The following ADGRL3 variants were observed in gnomAD, a reference collection of about 807,000 sequenced individuals.
ADGRL3 encodes calcium-independent alpha-latrotoxin receptor 3.
ADGRL3 carries 62 observed loss-of-function variants against 153.5 expected under a neutral mutation model. The ratio of observed to expected loss-of-function variants is 0.40; its 90% CI spans 0.33 to 0.50. The LOEUF (loss-of-function observed/expected upper bound fraction) is 0.50. Among genes scored for constraint, ADGRL3 ranks in the 20% least tolerant of loss-of-function variants. The pLI is 0.47. For synonymous variants in ADGRL3, 710 were observed against 672.5 expected, an observed-to-expected ratio of 1.06 and a Z score of -0.86; for missense variants, 1,641 against 1,859.4, an observed-to-expected ratio of 0.88 and a Z score of 2.16.
At chr4:61,291,113 T>A (rs2094161796) in intron 1 of ADGRL3, among the ~76,000 whole-genome samples, 1 of 151,474 alleles carries the variant, frequency 6.6e-6, no homozygotes, top group African/African-American at 2.4e-5. Context: ...TTATTTTCAG[T>A]TTTAAAGAAC....
At chr4:61,610,233 A>C (rs943924885) in intron 5 of ADGRL3, among the ~76,000 whole-genome samples, 2 of 151,828 alleles carry the variant, frequency 1.3e-5, no homozygotes, top group Admixed American at 6.6e-5. Context: ...ATAATATTTA[A>C]ATCTCTAACC....
intron 1 of ADGRL3, among the ~76,000 whole-genome samples, chr4:61,203,090 C>A (rs375654911): frequency 3.1e-4 from 47 of 152,280 alleles, no homozygotes; most frequent in African/African-American, 1.0e-3. Context: ...CTCGATGCAC[C>A]CCAGAATGGC....
At chr4:61,885,224 C>CAGCTATTCA (rs1363078689) in intron 9 of ADGRL3, among the ~76,000 whole-genome samples, 2 of 152,034 alleles carry the variant, frequency 1.3e-5, no homozygotes, top group African/African-American at 4.8e-5. Flanking sequence ...AGCTACTCAG[C>CAGCTATTCA]AGCTGAAACA....
At chr4:61,464,891 A>G (rs1268843301) in intron 2 of ADGRL3, among the ~76,000 whole-genome samples, 1 of 152,148 alleles carries the variant, frequency 6.6e-6, no homozygotes, top group Admixed American at 6.5e-5. Context: ...GCTTCTGGCA[A>G]TTCAACAGGC....
chr4:61,368,883 T>C (rs1030607583), intron 1 of ADGRL3, among the ~76,000 whole-genome samples: 1 of 152,222 alleles, frequency 6.6e-6, no homozygotes, highest in Non-Finnish European at 1.5e-5. Flanking sequence ...CTTCCATTTG[T>C]TTGTATCCTC....
intron 6 of ADGRL3, among the ~76,000 whole-genome samples, chr4:61,689,135 TG>T (rs1561066890): frequency 6.6e-6 from 1 of 152,130 alleles, no homozygotes; most frequent in East Asian, 1.9e-4. Flanking sequence ...GTTGATATGC[TG>T]GTACTGACAA....
chr4:61,984,282 A>G lies in ADGRL3; in HGVS notation c.3236+679A>G, dbSNP rs180807003. Reference sequence around the variant, plus strand: ...CAAGATAGACCTCTGATGAATAATCATATTTAGAACTAGACCCAGGACTAA... The same window carrying G: ...CAAGATAGACCTCTGATGAATAATCGTATTTAGAACTAGACCCAGGACTAA... On this transcript the variant is annotated intron_variant, in intron 19 of 26. Transcript: ENST00000683033. 1.8e-3 allele frequency among the ~76,000 whole-genome samples: 279 copies of G among 152,322 alleles called. 1 individual carries two copies. The highest frequency in any genetic ancestry group is 4.1e-3 in the South Asian group (20 of 4,832).
rs190183156 is a variant in ADGRL3 at position 61,935,964 on chromosome 4, G to A, written c.2338G>A (p.Asp780Asn). 279 of 1,601,982 alleles carry A rather than the reference G, an allele frequency of 1.7e-4. No individual in the cohort carries two copies. In the African/African-American group the frequency reaches 3.6e-3, roughly 21 times the overall value. The change falls in exon 15 of 27, where the codon GAC becomes AAC. Residue 780 changes from aspartate (D) to asparagine (N), a missense_variant. By Grantham distance (23) the Asp-to-Asn change is conservative (BLOSUM62 1). Coordinates refer to ENST00000683033, the MANE Select transcript of ADGRL3 (RefSeq NM_001387552.1). The stretch of plus-strand genomic sequence containing the variant: ...ACTGAGCACAGAAGGAAACTTAGAA[G>A]ACCTAAAATTTCCAGAAAACATGGG... ...ARLSTEGNLE[D>N]LKFPENMGHG... is the part of the protein sequence containing the mutation.
chr4:61,799,895 A>G (rs1002074462), intron 8 of ADGRL3, among the ~76,000 whole-genome samples: 4 of 152,116 alleles, frequency 2.6e-5, no homozygotes, highest in African/African-American at 7.2e-5. Context: ...TATCCTCACC[A>G]CAATCCTATG....
intron 25 of ADGRL3, among the ~76,000 whole-genome samples, chr4:62,066,148 C>T (rs1742884115): frequency 6.6e-6 from 1 of 151,932 alleles, no homozygotes; most frequent in African/African-American, 2.4e-5. Flanking sequence ...TTACCACTGA[C>T]CAAAAATAAA....
intron 8 of ADGRL3, among the ~76,000 whole-genome samples, chr4:61,750,928 G>C (rs958176328): frequency 3.7e-4 from 56 of 152,324 alleles, no homozygotes; most frequent in African/African-American, 1.3e-3. Flanking sequence ...GGATTCCTCC[G>C]TAGCGGTCTG....
At chr4:62,043,405 A>G (rs994980369) in intron 24 of ADGRL3, among the ~76,000 whole-genome samples, 2 of 151,940 alleles carry the variant, frequency 1.3e-5, no homozygotes, top group African/African-American at 4.8e-5. Flanking sequence ...TTTTCTGTCT[A>G]TGTCTGTGTC....
chr4:61,629,749 AAAAAAAAAAAAAAAAAAT>A, intron 5 of ADGRL3, among the ~76,000 whole-genome samples: 1 of 147,884 alleles, frequency 6.8e-6, no homozygotes, highest in African/African-American at 2.5e-5. Flanking sequence ...AAAAAAAAAA[AAAAAAAAAAAAAAAAAAT>A]TCCAAGTCAT....
chr4:61,206,306 A>G (rs149800389), intron 1 of ADGRL3, among the ~76,000 whole-genome samples: 145 of 152,280 alleles, frequency 9.5e-4, no homozygotes, highest in African/African-American at 3.4e-3. Context: ...CTTATTTTGA[A>G]AACTATTTTT....
chr4:62,044,888 G>A (rs905035321), intron 25 of ADGRL3, among the ~76,000 whole-genome samples: 3 of 152,032 alleles, frequency 2.0e-5, no homozygotes, highest in Non-Finnish European at 1.5e-5. Context: ...GCATCATAGA[G>A]TTCCACATTG....
chr4:61,905,631 AC>A (rs2098691814), intron 11 of ADGRL3, among the ~76,000 whole-genome samples: 1 of 152,176 alleles, frequency 6.6e-6, no homozygotes, highest in African/African-American at 2.4e-5. Context: ...GCAGTAGTTC[AC>A]GCCTATGATC....
intron 1 of ADGRL3, among the ~76,000 whole-genome samples, chr4:61,253,533 G>T (rs1332054715): frequency 6.6e-6 from 1 of 152,100 alleles, no homozygotes; most frequent in Non-Finnish European, 1.5e-5. Context: ...AAGAGGAATT[G>T]TTGTCTGATT....
At chr4:61,387,353 T>C (rs756997878) in intron 2 of ADGRL3, among the ~76,000 whole-genome samples, 1 of 152,176 alleles carries the variant, frequency 6.6e-6, no homozygotes, top group Non-Finnish European at 1.5e-5. Context: ...TTGTCATTGA[T>C]AACATCTTAT....
chr4:61,895,359 G>A (rs1459232317), intron 10 of ADGRL3, among the ~76,000 whole-genome samples: 1 of 152,014 alleles, frequency 6.6e-6, no homozygotes. Flanking sequence ...CCAGCTACTT[G>A]GGAGGCTGAG....
Sources: gnomAD v4.1 joint callset for allele counts (sites outside exome capture counted in the v4.1 genomes callset) on GRCh38, gnomAD v4.1.1 for gene constraint, MANE v1.5 for transcripts, NCBI Gene and HGNC (gene_info 2026-07-23, HGNC 2026-07-21) for gene names.